Variants in DCC observed in about 807,000 individuals in gnomAD.
The protein encoded by DCC is DCC netrin 1 receptor, also known as netrin receptor DCC.
Under a neutral mutation model 172.5 loss-of-function variants are expected in DCC, and 58 were observed. That is an observed-to-expected ratio of 0.34 (90% CI 0.27 to 0.42). DCC has a LOEUF of 0.42. DCC is among the 10% of genes least tolerant of loss of function. The probability of loss-of-function intolerance (pLI) is 1.00; values close to 1 mark genes in which losing one functional copy is unlikely to be tolerated. For synonymous variants in DCC, 709 were observed against 644.5 expected (o/e 1.10, Z -1.52); for missense variants, 1,740 against 1,791.0 (o/e 0.97, Z 0.51).
At chr18:52,939,096 T>C (rs2040423940) in intron 5 of DCC, among the ~76,000 whole-genome samples, 1 of 152,190 alleles carries the variant, frequency 6.6e-6, no homozygotes, top group African/African-American at 2.4e-5. Context: ...TGGGATTTGG[T>C]TTGTCTTCAC....
At chr18:52,996,324 T>G (rs760353775) in intron 5 of DCC, among the ~76,000 whole-genome samples, 2 of 152,054 alleles carry the variant, frequency 1.3e-5, no homozygotes, top group Non-Finnish European at 2.9e-5. Flanking sequence ...TCACCATAAT[T>G]GCATGTCTGA....
At chr18:53,050,983 A>T (rs559894150) in intron 5 of DCC, among the ~76,000 whole-genome samples, 1 of 152,180 alleles carries the variant, frequency 6.6e-6, no homozygotes, top group Non-Finnish European at 1.5e-5. Context: ...TAATTTCAGC[A>T]CTTTAGGAGG....
intron 9 of DCC, among the ~76,000 whole-genome samples, chr18:53,182,615 G>T (rs145232918): frequency 6.6e-6 from 1 of 152,162 alleles, no homozygotes; most frequent in African/African-American, 2.4e-5. Context: ...ATATTATCAT[G>T]AGTGATAGGC....
At chr18:53,382,620 G>C (rs1228590658) in intron 15 of DCC, among the ~76,000 whole-genome samples, 2 of 151,966 alleles carry the variant, frequency 1.3e-5, no homozygotes, top group Non-Finnish European at 2.9e-5. Context: ...AATTATATTA[G>C]TAACCTGACA....
chr18:52,627,009 C>A (rs1211420069), intron 1 of DCC, among the ~76,000 whole-genome samples: 2 of 152,222 alleles, frequency 1.3e-5, no homozygotes, highest in East Asian at 3.9e-4. Flanking sequence ...CTCACACTAC[C>A]CTCTTCTCTG....
chr18:53,095,064 C>T (rs1649202894), intron 7 of DCC, among the ~76,000 whole-genome samples: 1 of 152,168 alleles, frequency 6.6e-6, no homozygotes, highest in African/African-American at 2.4e-5. Context: ...CAACAGAAGT[C>T]AACAAAGCCT....
intron 1 of DCC, among the ~76,000 whole-genome samples, chr18:52,626,173 G>T (rs1301102820): frequency 2.0e-5 from 3 of 152,136 alleles, no homozygotes; most frequent in Non-Finnish European, 4.4e-5. Flanking sequence ...CTGCATGGAT[G>T]CCTAGTAAAC....
Position 52,343,146 on chromosome 18 carries a change from T to A in DCC, c.91+2268T>A, listed in dbSNP as rs115197831. 6.3e-3 allele frequency among the ~76,000 whole-genome samples: 959 copies of A among 152,360 alleles called. 13 individuals are homozygous for A. The highest frequency in any genetic ancestry group is 0.022 in the African/African-American group (923 of 41,588). On this transcript the variant is annotated intron_variant, in intron 1 of 28. Transcript: ENST00000442544. ...CGCAGGAAAGTGGATGGTGCATTTTTAAGATATTGCCAATTCACAACACTC... is the reference window on the plus strand; with the variant it reads ...CGCAGGAAAGTGGATGGTGCATTTTAAAGATATTGCCAATTCACAACACTC...
intron 1 of DCC, among the ~76,000 whole-genome samples, chr18:52,628,913 T>C (rs1368272149): frequency 6.6e-6 from 1 of 152,172 alleles, no homozygotes; most frequent in East Asian, 1.9e-4. Context: ...GCTTGTTGTG[T>C]ACCAATGATG....
intron 1 of DCC, among the ~76,000 whole-genome samples, chr18:52,619,895 C>A (rs879552207): frequency 6.6e-6 from 1 of 152,156 alleles, no homozygotes; most frequent in Non-Finnish European, 1.5e-5. Context: ...CAGTGATAAG[C>A]ACCAGTCATA....
chr18:53,260,296 C>G (rs972263631), intron 12 of DCC, among the ~76,000 whole-genome samples: 1 of 152,032 alleles, frequency 6.6e-6, no homozygotes, highest in East Asian at 1.9e-4. Context: ...TTAGAGTTTC[C>G]AGTTTTTCTG....
At chr18:52,342,673 A>G (rs187590111) in intron 1 of DCC, among the ~76,000 whole-genome samples, 2 of 152,326 alleles carry the variant, frequency 1.3e-5, no homozygotes, top group Non-Finnish European at 2.9e-5. Context: ...TCTGCCTAAC[A>G]GCAGCACTGC....
At chr18:53,070,332 G>A (rs1216317202) in intron 7 of DCC, among the ~76,000 whole-genome samples, 1 of 152,102 alleles carries the variant, frequency 6.6e-6, no homozygotes, top group African/African-American at 2.4e-5. Context: ...CCTCACCCCA[G>A]GGCCAGAGGA....
At chr18:52,781,710 G>A (rs990309808) in intron 2 of DCC, among the ~76,000 whole-genome samples, 5 of 152,108 alleles carry the variant, frequency 3.3e-5, no homozygotes, top group African/African-American at 1.2e-4. Flanking sequence ...TTAATAAACA[G>A]CTATAGAGAT....
intron 12 of DCC, among the ~76,000 whole-genome samples, chr18:53,297,132 CTTT>C (rs10617714): frequency 0.14 from 21,210 of 152,038 alleles, 2,127 homozygotes; most frequent in African/African-American, 0.27. Flanking sequence ...TTATCAACCT[CTTT>C]TTTTCCTGTT....
chr18:52,645,350 T>G (rs987219238), intron 1 of DCC, among the ~76,000 whole-genome samples: 1 of 152,176 alleles, frequency 6.6e-6, no homozygotes, highest in Non-Finnish European at 1.5e-5. Flanking sequence ...TATACTTTCA[T>G]TGACATAAAC....
At chr18:52,420,705 A>G (rs1298295737) in intron 1 of DCC, among the ~76,000 whole-genome samples, 1 of 152,152 alleles carries the variant, frequency 6.6e-6, no homozygotes, top group Non-Finnish European at 1.5e-5. Context: ...AGGTTAAAGC[A>G]GGTCTTGAAA....
intron 1 of DCC, among the ~76,000 whole-genome samples, chr18:52,382,821 G>A (rs960114503): frequency 5.9e-5 from 9 of 152,062 alleles, no homozygotes; most frequent in African/African-American, 1.7e-4. Context: ...ACTCGTACCT[G>A]TAATACTCAG....
chr18:52,871,230 A>G (rs2039313388), intron 2 of DCC, among the ~76,000 whole-genome samples: 1 of 151,850 alleles, frequency 6.6e-6, no homozygotes, highest in African/African-American at 2.4e-5. Flanking sequence ...CCCAATCCCA[A>G]CCCCTCCACG....
Sources: allele counts gnomAD v4.1 joint callset (sites outside exome capture counted in the v4.1 genomes callset), GRCh38; gene constraint gnomAD v4.1.1; transcripts MANE v1.5; gene names NCBI Gene and HGNC (gene_info 2026-07-23, HGNC 2026-07-21).